Variants in VWC2L observed in about 807,000 individuals in gnomAD.
VWC2L encodes von Willebrand factor C domain containing 2 like, also known as von Willebrand factor C domain-containing protein 2-like.
A neutral mutation model predicts 21.6 loss-of-function variants in VWC2L; 10 were observed. The ratio of observed to expected loss-of-function variants is 0.46; its 90% CI spans 0.29 to 0.78. The LOEUF is 0.78. Among genes scored for constraint, VWC2L ranks in the 30% least tolerant of loss-of-function variants. VWC2L has a pLI of 0.10. For synonymous variants in VWC2L, 96 were observed against 94.3 expected (o/e 1.02, Z -0.10); for missense variants, 209 against 277.1 (o/e 0.75, Z 1.74).
intron 3 of VWC2L, among the ~76,000 whole-genome samples, chr2:214,555,545 G>A (rs911297312): frequency 6.6e-6 from 1 of 152,064 alleles, no homozygotes; most frequent in African/African-American, 2.4e-5. Flanking sequence ...ACATGTTTTT[G>A]AATAAATGAA....
chr2:214,554,863 T>C (rs538849269), intron 3 of VWC2L, among the ~76,000 whole-genome samples: 56 of 152,290 alleles, frequency 3.7e-4, no homozygotes, highest in African/African-American at 1.1e-3. Flanking sequence ...TAAAATATAT[T>C]TCTTTGACAT....
chr2:214,550,440 T>A (rs1574631466), intron 3 of VWC2L, among the ~76,000 whole-genome samples: 3 of 152,230 alleles, frequency 2.0e-5, no homozygotes, highest in Admixed American at 6.5e-5. Flanking sequence ...CAACACTTAT[T>A]ACCAAAAATC....
intron 3 of VWC2L, among the ~76,000 whole-genome samples, chr2:214,445,912 A>C (rs57782687): frequency 0.18 from 26,957 of 152,126 alleles, 3,131 homozygotes; most frequent in African/African-American, 0.32. Flanking sequence ...AATTTCTACC[A>C]CTTGACTTTT....
At chr2:214,511,084 T>G (rs1689044091) in intron 3 of VWC2L, among the ~76,000 whole-genome samples, 1 of 151,906 alleles carries the variant, frequency 6.6e-6, no homozygotes, top group Non-Finnish European at 1.5e-5. Flanking sequence ...CTTAAGAGTC[T>G]GAGACCAGCC....
At chr2:214,527,526 C>A (rs1233606900) in intron 3 of VWC2L, among the ~76,000 whole-genome samples, 1 of 152,160 alleles carries the variant, frequency 6.6e-6, no homozygotes, top group African/African-American at 2.4e-5. Flanking sequence ...CTCTCCCCTA[C>A]CTTAGCTTTT....
At chr2:214,420,687 G>T (rs1008454041) in intron 2 of VWC2L, among the ~76,000 whole-genome samples, 3 of 152,148 alleles carry the variant, frequency 2.0e-5, no homozygotes, top group Admixed American at 6.6e-5. Flanking sequence ...TCAACAAATG[G>T]GTAGTGGAGT....
chr2:214,414,792 T>G, intron 2 of VWC2L: 1 of 587,282 alleles, frequency 1.7e-6, no homozygotes, highest in South Asian at 2.3e-5. Flanking sequence ...ACAATAACCT[T>G]TATTTTTTTT....
rs557368073 is a variant in VWC2L at position 214,568,869 on chromosome 2, T to C, written c.521-6803T>C. Among the ~76,000 whole-genome samples the C allele has an allele frequency of 4.6e-5, 7 of 152,272 alleles. No homozygotes were observed. The East Asian group carries it at 1.4e-3, about 29-fold the overall frequency. Reference sequence around the variant, plus strand: ...CTCCTCTTCTCCCAACAGCCTGGTATCTTAATCCTATTGCATGTGACCCTG... The same window carrying C: ...CTCCTCTTCTCCCAACAGCCTGGTACCTTAATCCTATTGCATGTGACCCTG... On this transcript the variant is annotated intron_variant, in intron 3 of 3. Coordinates refer to ENST00000312504, the MANE Select transcript of VWC2L (RefSeq NM_001080500.4).
intron 2 of VWC2L, among the ~76,000 whole-genome samples, chr2:214,416,950 G>A (rs6719940): frequency 0.056 from 8,559 of 151,956 alleles, 736 homozygotes; most frequent in African/African-American, 0.19. Flanking sequence ...TTCCTCTATG[G>A]CTTTGCCTAC....
At chr2:214,557,753 A>G (rs1689896060) in intron 3 of VWC2L, among the ~76,000 whole-genome samples, 1 of 152,106 alleles carries the variant, frequency 6.6e-6, no homozygotes, top group South Asian at 2.1e-4. Context: ...AGTGCCTATT[A>G]CTATAGAAGA....
At chr2:214,519,936 G>A (rs571643567) in intron 3 of VWC2L, among the ~76,000 whole-genome samples, 2 of 152,158 alleles carry the variant, frequency 1.3e-5, no homozygotes, top group East Asian at 3.9e-4. Flanking sequence ...ATACCAAAAA[G>A]GAGTAAATAC....
At chr2:214,519,363 G>A (rs534243484) in intron 3 of VWC2L, among the ~76,000 whole-genome samples, 10 of 152,300 alleles carry the variant, frequency 6.6e-5, no homozygotes, top group Admixed American at 2.6e-4. Context: ...TGAGAAGAAT[G>A]CAAGAGAGCA....
At chr2:214,473,176 A>G (rs1349215228) in intron 3 of VWC2L, among the ~76,000 whole-genome samples, 1 of 152,216 alleles carries the variant, frequency 6.6e-6, no homozygotes, top group Non-Finnish European at 1.5e-5. Context: ...ATAAAAGCTG[A>G]GTACATTTCA....
rs542135327 is a variant in VWC2L at position 214,522,631 on chromosome 2, T to A, written c.521-53041T>A. On this transcript the variant is annotated intron_variant, in intron 3 of 3. Coordinates refer to ENST00000312504, the MANE Select transcript of VWC2L (RefSeq NM_001080500.4). Reference sequence around the variant, plus strand: ...TACACAATATTTTAAATATATACTATCTACCTAAAATATTAACAAATCTGA... The same window carrying A: ...TACACAATATTTTAAATATATACTAACTACCTAAAATATTAACAAATCTGA... Among the ~76,000 whole-genome samples, 247 of 152,182 alleles carry A rather than the reference T, an allele frequency of 1.6e-3. 1 individual carries two copies. The highest frequency in any genetic ancestry group is 5.8e-3 in the African/African-American group (239 of 41,540).
At chr2:214,528,403 G>A (rs35784433) in intron 3 of VWC2L, among the ~76,000 whole-genome samples, 8,847 of 152,128 alleles carry the variant, frequency 0.058, 840 homozygotes, top group African/African-American at 0.2. Flanking sequence ...GTGTATTTCA[G>A]TATCTTAAAT....
At chr2:214,454,891 C>T (rs955722707) in intron 3 of VWC2L, among the ~76,000 whole-genome samples, 4 of 151,986 alleles carry the variant, frequency 2.6e-5, no homozygotes, top group Admixed American at 6.6e-5. Context: ...CTTGAGCCAC[C>T]GTACCCGGGC....
At chr2:214,432,060 C>T (rs1482679028) in intron 2 of VWC2L, among the ~76,000 whole-genome samples, 2 of 152,108 alleles carry the variant, frequency 1.3e-5, no homozygotes, top group African/African-American at 4.8e-5. Context: ...CCAAAGTGCC[C>T]ATTATAATAT....
intron 3 of VWC2L, among the ~76,000 whole-genome samples, chr2:214,476,408 T>C (rs888710732): frequency 6.6e-6 from 1 of 152,180 alleles, no homozygotes; most frequent in African/African-American, 2.4e-5. Context: ...AGTATAGTAA[T>C]TGCAGAAATA....
chr2:214,557,442 G>C (rs1318278187), intron 3 of VWC2L, among the ~76,000 whole-genome samples: 1 of 151,976 alleles, frequency 6.6e-6, no homozygotes, highest in Non-Finnish European at 1.5e-5. Flanking sequence ...ATGAGATTTG[G>C]GTAGGGACAC....
Sources: allele counts gnomAD v4.1 joint callset (sites outside exome capture counted in the v4.1 genomes callset), GRCh38; gene constraint gnomAD v4.1.1; transcripts MANE v1.5; gene names NCBI Gene and HGNC (gene_info 2026-07-23, HGNC 2026-07-21).